The following NRF1 variants were observed in gnomAD, a reference collection of about 807,000 sequenced individuals.
NRF1 encodes alpha palindromic-binding protein.
In NRF1, 5 loss-of-function variants were observed where a neutral mutation model predicts 58.5. The ratio of observed to expected loss-of-function variants is 0.09; its 90% confidence interval spans 0.04 to 0.18. The LOEUF (loss-of-function observed/expected upper bound fraction) is 0.18. NRF1 is among the 10% of genes least tolerant of loss of function. The pLI is 1.00. For missense variants in NRF1, 288 were observed against 657.7 expected (o/e 0.44, Z 6.15); for synonymous variants, 224 against 246.7 (o/e 0.91, Z 0.86).
rs574432735 is a variant in NRF1, at chr7:129,622,818, C to T, written c.-7+10994C>T. Reference sequence around the variant, plus strand: ...CTCCTGACCTCAGGTGATCCGCCCACCTTGGCCTCCCAAAGTGTTGGGATT... The same window carrying T: ...CTCCTGACCTCAGGTGATCCGCCCATCTTGGCCTCCCAAAGTGTTGGGATT... On this transcript the variant is annotated intron_variant, in intron 1 of 10. Coordinates refer to ENST00000393232, the MANE Select transcript of NRF1 (RefSeq NM_005011.5). Among the ~76,000 whole-genome samples the T allele has an allele frequency of 3.3e-5, 5 of 152,264 alleles. No homozygotes were observed. In the South Asian group the frequency reaches 1.0e-3, roughly 32 times the overall value.
At chr7:129,628,785 A>G (rs142826106) in intron 1 of NRF1, among the ~76,000 whole-genome samples, 10 of 152,366 alleles carry the variant, frequency 6.6e-5, no homozygotes, top group Non-Finnish European at 1.2e-4. Flanking sequence ...ATGAGTTGCA[A>G]TGTGAAATCT....
chr7:129,723,600 G>A (rs1328093467), intron 9 of NRF1, among the ~76,000 whole-genome samples: 1 of 152,026 alleles, frequency 6.6e-6, no homozygotes, highest in East Asian at 1.9e-4. Flanking sequence ...ATTAAATTCT[G>A]TCATGAAAAA....
chr7:129,715,416 T>G (rs1803164175), intron 8 of NRF1, among the ~76,000 whole-genome samples: 1 of 152,222 alleles, frequency 6.6e-6, no homozygotes, highest in African/African-American at 2.4e-5. Flanking sequence ...AGAGTATGAT[T>G]TTTATTTTTG....
chr7:129,652,814 G>A (rs1416678008), intron 1 of NRF1, among the ~76,000 whole-genome samples: 5 of 152,212 alleles, frequency 3.3e-5, no homozygotes, highest in Non-Finnish European at 5.9e-5. Flanking sequence ...GGATGGTCTC[G>A]ATCTCCTGAC....
chr7:129,626,699 A>T (rs1286473784), intron 1 of NRF1, among the ~76,000 whole-genome samples: 2 of 152,210 alleles, frequency 1.3e-5, no homozygotes, highest in Non-Finnish European at 2.9e-5. Flanking sequence ...TGAATACAAA[A>T]AGGGGAAGAA....
At chr7:129,719,722 A>G (rs1803276551) in intron 9 of NRF1, among the ~76,000 whole-genome samples, 1 of 152,078 alleles carries the variant, frequency 6.6e-6, no homozygotes, top group South Asian at 2.1e-4. Flanking sequence ...ACTTGGCTCA[A>G]TTCTACCCCT....
intron 1 of NRF1, among the ~76,000 whole-genome samples, chr7:129,643,020 G>A (rs1801329797): frequency 1.3e-5 from 2 of 152,116 alleles, no homozygotes; most frequent in African/African-American, 4.8e-5. Context: ...AGAATTGCCA[G>A]TCATAGGTTT....
chr7:129,647,290 C>T (rs971586100), intron 1 of NRF1, among the ~76,000 whole-genome samples: 1 of 151,872 alleles, frequency 6.6e-6, no homozygotes, highest in African/African-American at 2.4e-5. Context: ...TCTGGCCTCT[C>T]GGGATTACGG....
intron 10 of NRF1, among the ~76,000 whole-genome samples, chr7:129,740,467 T>C (rs4388399): frequency 0.043 from 6,486 of 152,240 alleles, 168 homozygotes; most frequent in Middle Eastern, 0.12. Context: ...CCCACAAGGA[T>C]CCCTACTTCG....
chr7:129,703,669 A>C (rs562909181), intron 5 of NRF1, among the ~76,000 whole-genome samples: 1 of 152,250 alleles, frequency 6.6e-6, no homozygotes, highest in South Asian at 2.1e-4. Context: ...TGAAAAACAA[A>C]CTCTTATAGT....
At chr7:129,670,590 A>G (rs1296943493) in intron 2 of NRF1, among the ~76,000 whole-genome samples, 1 of 152,218 alleles carries the variant, frequency 6.6e-6, no homozygotes, top group African/African-American at 2.4e-5. Context: ...TTTAATTTTT[A>G]TTTAAGCCTT....
At chr7:129,627,721 G>A (rs1407287478) in intron 1 of NRF1, among the ~76,000 whole-genome samples, 1 of 151,848 alleles carries the variant, frequency 6.6e-6, no homozygotes, top group Non-Finnish European at 1.5e-5. Context: ...TTTCTACCAG[G>A]GAAATAAAAC....
chr7:129,626,359 C>T (rs984434038), intron 1 of NRF1, among the ~76,000 whole-genome samples: 2 of 151,942 alleles, frequency 1.3e-5, no homozygotes, highest in Non-Finnish European at 1.5e-5. Flanking sequence ...ATTTTTTTTG[C>T]GTTCTGGACA....
chr7:129,615,577 A>G (rs1259386297), intron 1 of NRF1, among the ~76,000 whole-genome samples: 2 of 152,260 alleles, frequency 1.3e-5, no homozygotes, highest in African/African-American at 4.8e-5. Flanking sequence ...AGCTAAAGCT[A>G]GTGTTTTCAG....
At chr7:129,754,872 T>C (rs1804214941) in intron 10 of NRF1, 146 bp from the exon 11 acceptor site, 1 of 636,802 alleles carries the variant, frequency 1.6e-6, no homozygotes. Flanking sequence ...GGGAAAGAGA[T>C]GTCTTTGTGC....
At chr7:129,744,591 T>G (rs1803928024) in intron 10 of NRF1, among the ~76,000 whole-genome samples, 1 of 152,100 alleles carries the variant, frequency 6.6e-6, no homozygotes, top group Non-Finnish European at 1.5e-5. Context: ...ATTAACAATT[T>G]GGCTATGCTA....
intron 5 of NRF1, among the ~76,000 whole-genome samples, chr7:129,701,800 A>T (rs1440102255): frequency 6.6e-6 from 1 of 152,230 alleles, no homozygotes; most frequent in Non-Finnish European, 1.5e-5. Flanking sequence ...AACTGATTTC[A>T]TAAACTGTAA....
intron 1 of NRF1, among the ~76,000 whole-genome samples, chr7:129,636,039 C>T (rs1248982284): frequency 1.3e-5 from 2 of 152,044 alleles, no homozygotes; most frequent in African/African-American, 2.4e-5. Flanking sequence ...GGCTTTTTCT[C>T]GTATCTTTAA....
intron 9 of NRF1, among the ~76,000 whole-genome samples, chr7:129,720,789 G>A (rs917430524): frequency 1.3e-5 from 2 of 152,072 alleles, no homozygotes; most frequent in Non-Finnish European, 2.9e-5. Context: ...AGGGCTCCAC[G>A]GCCTTTAGCC....
Sources: gnomAD v4.1 joint callset for allele counts (sites outside exome capture counted in the v4.1 genomes callset) on GRCh38, gnomAD v4.1.1 for gene constraint, MANE v1.5 for transcripts, NCBI Gene and HGNC (gene_info 2026-07-23, HGNC 2026-07-21) for gene names.